Variants in EDIL3 observed in about 807,000 individuals in gnomAD.
EDIL3 encodes EGF like and discoidin domains 3.
Under a neutral mutation model 67.4 loss-of-function variants are expected in EDIL3, and 37 were observed. The ratio of observed to expected loss-of-function variants is 0.55; its 90% CI spans 0.42 to 0.72. The LOEUF is 0.72. Among genes scored for constraint, EDIL3 ranks in the 30% least tolerant of loss-of-function variants. The pLI is 0.00. For synonymous variants in EDIL3, 195 were observed against 196.3 expected (o/e 0.99, Z 0.05); for missense variants, 527 against 586.3 (o/e 0.90, Z 1.04).
Position 84,384,537 on chromosome 5 carries a change from C to T in EDIL3, c.-163G>A, listed in dbSNP as rs1435370993. Reference sequence around the variant, plus strand: ...TTGTTAAACAAATTCTTGGAGAGGGCGAGAGTGGTGACTAAAGAGAGGAGC... The same window carrying T: ...TTGTTAAACAAATTCTTGGAGAGGGTGAGAGTGGTGACTAAAGAGAGGAGC... On this transcript the variant is annotated 5_prime_UTR_variant, in exon 1 of 11. Coordinates refer to ENST00000296591, the MANE Select transcript of EDIL3 (RefSeq NM_005711.5). The T allele has an allele frequency of 1.6e-6, 1 of 633,698 alleles. No homozygotes were observed. The highest frequency in any genetic ancestry group is 3.1e-5 in the East Asian group (1 of 32,150). 39.3% of individuals were successfully genotyped at this position (633,698 alleles called of 1,614,324 possible).
At chr5:84,129,315 C>CA (rs1471153516) in intron 5 of EDIL3, among the ~76,000 whole-genome samples, 6 of 151,848 alleles carry the variant, frequency 4.0e-5, no homozygotes, top group Non-Finnish European at 8.8e-5. Context: ...TTTTAACTCA[C>CA]AAAAATATGT....
chr5:84,211,551 A>G (rs985092714), intron 3 of EDIL3, among the ~76,000 whole-genome samples: 6 of 152,188 alleles, frequency 3.9e-5, no homozygotes, highest in Non-Finnish European at 8.8e-5. Context: ...AAATCCCATA[A>G]CAAGTGTCCT....
intron 1 of EDIL3, among the ~76,000 whole-genome samples, chr5:84,279,222 G>A (rs182253795): frequency 6.6e-6 from 1 of 152,222 alleles, no homozygotes; most frequent in East Asian, 1.9e-4. Flanking sequence ...CAGGAAGCAG[G>A]AATAATTCAA....
At chr5:84,083,253 G>T (rs1011233202) in intron 6 of EDIL3, among the ~76,000 whole-genome samples, 1 of 152,112 alleles carries the variant, frequency 6.6e-6, no homozygotes, top group Non-Finnish European at 1.5e-5. Context: ...ATTTGGGACT[G>T]GACTTACTGG....
At chr5:84,144,502 A>G (rs1269296608) in intron 4 of EDIL3, among the ~76,000 whole-genome samples, 1 of 152,100 alleles carries the variant, frequency 6.6e-6, no homozygotes, top group Non-Finnish European at 1.5e-5. Flanking sequence ...CAAATATCAA[A>G]ACTAAATTGG....
At position 84,119,025 on chromosome 5, in the gene EDIL3, T is replaced by C. The variant is rs1411631127; in HGVS notation, c.470-12195A>G. Among the ~76,000 whole-genome samples the C allele has an allele frequency of 4.6e-5, 7 of 152,246 alleles. 1 individual carries two copies. The South Asian group carries it at 1.4e-3, about 32-fold the overall frequency. ...TTTGAAAGAATACATGGTTAGCACA[T>C]AGTAAATTATATGGCAACCAATATA... is the stretch of plus-strand genomic sequence containing the variant. On this transcript the variant is annotated intron_variant, in intron 5 of 10. Transcript: ENST00000296591.
intron 5 of EDIL3, among the ~76,000 whole-genome samples, chr5:84,136,180 AG>A (rs1748088817): frequency 6.6e-6 from 1 of 152,172 alleles, no homozygotes; most frequent in African/African-American, 2.4e-5. Flanking sequence ...GTGGGGAATC[AG>A]AAACCTGTAG....
At chr5:84,103,306 A>G in intron 6 of EDIL3, among the ~76,000 whole-genome samples, 1 of 152,004 alleles carries the variant, frequency 6.6e-6, no homozygotes, top group East Asian at 1.9e-4. Flanking sequence ...GACAGAGGAA[A>G]TGGCAAATAT....
chr5:84,258,081 A>C (rs1190074793), intron 1 of EDIL3, among the ~76,000 whole-genome samples: 2 of 152,182 alleles, frequency 1.3e-5, no homozygotes, highest in African/African-American at 4.8e-5. Flanking sequence ...TCTTGGACAA[A>C]GTAGAGGATA....
At chr5:84,134,923 A>C (rs1030139823) in intron 5 of EDIL3, among the ~76,000 whole-genome samples, 1 of 152,198 alleles carries the variant, frequency 6.6e-6, no homozygotes, top group Non-Finnish European at 1.5e-5. Flanking sequence ...TAAATGTTGT[A>C]TCAATATAAA....
At chr5:84,031,962 A>G (rs566097602) in intron 9 of EDIL3, among the ~76,000 whole-genome samples, 2 of 152,340 alleles carry the variant, frequency 1.3e-5, no homozygotes, top group African/African-American at 4.8e-5. Context: ...TAGTATTTGA[A>G]AAGCATACTT....
intron 1 of EDIL3, among the ~76,000 whole-genome samples, chr5:84,355,181 C>A (rs551467373): frequency 2.0e-3 from 303 of 152,062 alleles, no homozygotes; most frequent in Admixed American, 6.0e-3. Context: ...TTTGTTCATT[C>A]CCTTTCATTT....
At chr5:84,368,277 C>T (rs2112208942) in intron 1 of EDIL3, among the ~76,000 whole-genome samples, 1 of 152,116 alleles carries the variant, frequency 6.6e-6, no homozygotes, top group African/African-American at 2.4e-5. Flanking sequence ...GACATAGAAA[C>T]AAATGGAATA....
intron 5 of EDIL3, among the ~76,000 whole-genome samples, chr5:84,111,947 A>T (rs1747571996): frequency 6.6e-6 from 1 of 152,140 alleles, no homozygotes; most frequent in African/African-American, 2.4e-5. Flanking sequence ...ATTCCCGGAA[A>T]AGAATAGGAG....
intron 4 of EDIL3, among the ~76,000 whole-genome samples, chr5:84,143,598 C>T (rs952948612): frequency 6.6e-6 from 1 of 151,896 alleles, no homozygotes; most frequent in African/African-American, 2.4e-5. Context: ...ATTAATTATT[C>T]CAATAAAGTT....
At chr5:84,361,513 ATTAACTATTGCCCATTCTT>A (rs1263560086) in intron 1 of EDIL3, among the ~76,000 whole-genome samples, 3 of 152,066 alleles carry the variant, frequency 2.0e-5, no homozygotes, top group African/African-American at 7.2e-5. Context: ...TTTGGATTCC[ATTAACTATTGCCCATTCTT>A]TAAAAGATTC....
At chr5:84,102,433 C>T (rs1206429568) in intron 6 of EDIL3, among the ~76,000 whole-genome samples, 4 of 151,652 alleles carry the variant, frequency 2.6e-5, no homozygotes, top group South Asian at 2.1e-4. Flanking sequence ...AGTCTAGGCC[C>T]GAAGGATCTA....
rs371578429 is a variant in EDIL3, at chr5:84,286,319, G to A, written c.68-32107C>T. On this transcript the variant is annotated intron_variant, in intron 1 of 10. Coordinates refer to ENST00000296591, the MANE Select transcript of EDIL3 (RefSeq NM_005711.5). ...AGAGTAGGGAGTCATAGAGCCTGTCGTTATTTTAAAAGAAAAAGCCATAGA... is the reference window on the plus strand; with the variant it reads ...AGAGTAGGGAGTCATAGAGCCTGTCATTATTTTAAAAGAAAAAGCCATAGA... 2.5e-4 allele frequency among the ~76,000 whole-genome samples: 38 copies of A among 152,152 alleles called. 1 individual carries two copies. The highest frequency in any genetic ancestry group is 4.3e-4 in the Non-Finnish European group (29 of 68,010).
intron 1 of EDIL3, among the ~76,000 whole-genome samples, chr5:84,272,735 G>T (rs1302101807): frequency 3.3e-5 from 5 of 152,106 alleles, no homozygotes; most frequent in African/African-American, 1.2e-4. Flanking sequence ...AAACCCAAAA[G>T]AATCTGAATT....
Sources: gnomAD v4.1 joint callset for allele counts (sites outside exome capture counted in the v4.1 genomes callset) on GRCh38, gnomAD v4.1.1 for gene constraint, MANE v1.5 for transcripts, NCBI Gene and HGNC (gene_info 2026-07-23, HGNC 2026-07-21) for gene names.